ERFE: variants seen among roughly 807,000 people sequenced by gnomAD.
ERFE encodes erythroferrone, also known as complement C1q tumor necrosis factor-related protein 15.
A neutral mutation model predicts 26.6 loss-of-function variants in ERFE; 25 were observed. That is an observed-to-expected ratio of 0.94 (90% CI 0.69 to 1.31). The LOEUF (loss-of-function observed/expected upper bound fraction) is 1.31. ERFE is among the 40% of genes most tolerant of loss of function. The pLI, the probability that ERFE is intolerant of heterozygous loss-of-function variation, is 0.00. For synonymous variants in ERFE, 206 were observed against 204.5 expected (o/e 1.01, Z -0.06); for missense variants, 447 against 440.2 (o/e 1.02, Z -0.14).
chr2:238,163,869 T>C lies in ERFE; in HGVS notation c.557T>C (p.Leu186Pro). The C allele has an allele frequency of 7.6e-7, 1 of 1,317,136 alleles. No individual in the cohort carries two copies. Among genetic ancestry groups the C allele is most frequent in the East Asian group, 3.2e-5 (1 of 31,526 alleles). 81.6% of individuals were successfully genotyped at this position (1,317,136 alleles called of 1,614,324 possible). Residue 186 changes from leucine (L) to proline (P), a missense_variant, in exon 4 of 8, where the codon CTG becomes CCG. Transcript: ENST00000546354. ...GACGACGACGTGGTGGGGGACGTGCTGGCACTGCTGGCCGCGCCCCTGGCC... is the reference window on the plus strand; with the variant it reads ...GACGACGACGTGGTGGGGGACGTGCCGGCACTGCTGGCCGCGCCCCTGGCC... ...EDDDDVVGDVLALLAAPLAPG... is the reference protein window; with the variant it reads ...EDDDDVVGDVPALLAAPLAPG...
intron 2 of ERFE, 57 bp downstream of exon 2, chr2:238,161,773 C>T (rs935017036): frequency 3.0e-4 from 446 of 1,495,340 alleles, no homozygotes; most frequent in Non-Finnish European, 3.7e-4. Flanking sequence ...CCTCGCTCCT[C>T]ATCCACTCCC....
chr2:238,162,520 C>T (rs569628473), intron 2 of ERFE, among the ~76,000 whole-genome samples: 10 of 152,378 alleles, frequency 6.6e-5, no homozygotes, highest in African/African-American at 2.2e-4. Flanking sequence ...GAGCAGAGTC[C>T]TTCCCTGCCA....
intron 1 of ERFE, among the ~76,000 whole-genome samples, chr2:238,160,683 C>G (rs977871194): frequency 6.6e-6 from 1 of 152,172 alleles, no homozygotes; most frequent in Non-Finnish European, 1.5e-5. Flanking sequence ...CTGCATCCCC[C>G]CAGATCAGCC....
At chr2:238,165,570 T>C in intron 6 of ERFE, 36 bp from the exon 7 acceptor site, 1 of 1,520,584 alleles carries the variant, frequency 6.6e-7, no homozygotes, top group East Asian at 2.5e-5. Flanking sequence ...TGGGGTCTCA[T>C]GGGGCAGGCT....
chr2:238,162,672 A>C, intron 2 of ERFE, 64 bp from the exon 3 acceptor site: 1 of 1,063,750 alleles, frequency 9.4e-7, no homozygotes, highest in Non-Finnish European at 1.4e-6. Flanking sequence ...AAGAGCTTGC[A>C]CAGGGGATGC....
In ERFE at chr2:238,164,267, C is replaced by T; in HGVS notation, c.797-3C>T. 6.7e-7 allele frequency: 1 copy of T among 1,503,080 alleles called. No individual in the cohort carries two copies. Among genetic ancestry groups the T allele is most frequent in the Non-Finnish European group, 8.8e-7 (1 of 1,132,912 alleles). 93.1% of individuals were successfully genotyped at this position (1,503,080 alleles called of 1,614,324 possible). A position where few individuals can be genotyped will look rare whatever the true frequency, so the allele number is the denominator to read the frequency against. On this transcript the variant is annotated splice_region_variant and splice_polypyrimidine_tract_variant and intron_variant, in intron 5 of 7. Transcript: ENST00000546354. Reference sequence around the variant, plus strand: ...CTTGACCACGTCCCACCCTCCCCCGCAGCGCTCGGGGAGCCGCCGAGGAGG... The same window carrying T: ...CTTGACCACGTCCCACCCTCCCCCGTAGCGCTCGGGGAGCCGCCGAGGAGG...
Position 238,164,467 on chromosome 2 carries a change from C to T in ERFE, c.887+107C>T, listed in dbSNP as rs1364973913. The T allele has an allele frequency of 1.0e-5, 12 of 1,164,644 alleles. No individual in the cohort carries two copies. The African/African-American group carries it at 1.6e-4, about 15-fold the overall frequency. The allele number at this position is 1,164,644 out of a possible 1,614,324, so 72.1% of individuals were successfully genotyped here. On this transcript the variant is annotated intron_variant, in intron 6 of 7. Coordinates refer to ENST00000546354, the MANE Select transcript of ERFE (RefSeq NM_001291832.2). ...GGGCTTCCGCCCGTTCACACCCCAC[C>T]GTGGCCTAGGTGACCCCACACCTTC...
intron 7 of ERFE, among the ~76,000 whole-genome samples, chr2:238,166,499 A>G (rs1026113904): frequency 1.3e-5 from 2 of 152,212 alleles, no homozygotes; most frequent in African/African-American, 4.8e-5. Context: ...GGGAGTTCCC[A>G]GGGAATGTGA....
intron 3 of ERFE, 57 bp downstream of exon 3, chr2:238,162,895 G>A: frequency 1.4e-6 from 2 of 1,395,898 alleles, no homozygotes; most frequent in Non-Finnish European, 2.0e-6. Context: ...GGCCTGGGAG[G>A]GTGTCCCGAG....
At chr2:238,162,678 G>A in intron 2 of ERFE, 58 bp from the exon 3 acceptor site, 1 of 1,109,702 alleles carries the variant, frequency 9.0e-7, no homozygotes, top group African/African-American at 1.5e-5. Context: ...TTGCACAGGG[G>A]ATGCTGTGGC....
At position 238,167,149 on chromosome 2, in the gene ERFE, G is replaced by A. The variant is rs1693051977; in HGVS notation, c.*95G>A. 5.4e-6 allele frequency: 7 copies of A among 1,294,892 alleles called. No individual in the cohort carries two copies. The highest frequency in any genetic ancestry group is 7.6e-6 in the Non-Finnish European group (7 of 924,416). 80.2% of individuals were successfully genotyped at this position (1,294,892 alleles called of 1,614,324 possible). On this transcript the variant is annotated 3_prime_UTR_variant, in exon 8 of 8. Transcript: ENST00000546354. Reference sequence around the variant, plus strand: ...AGAGTAGCAGTGGCCACATGGAGGAGGAGGCCCACCCGGAACTCTGCCCAC... The same window carrying A: ...AGAGTAGCAGTGGCCACATGGAGGAAGAGGCCCACCCGGAACTCTGCCCAC...
intron 5 of ERFE, 32 bp from the exon 6 acceptor site, chr2:238,164,238 C>A (rs1692993717): frequency 2.1e-6 from 3 of 1,439,252 alleles, no homozygotes; most frequent in Non-Finnish European, 2.7e-6. Context: ...CCGCCGCCCG[C>A]CCGCTTGACC....
intron 1 of ERFE, among the ~76,000 whole-genome samples, chr2:238,160,300 C>T (rs531612946): frequency 1.3e-5 from 2 of 152,322 alleles, no homozygotes; most frequent in South Asian, 2.1e-4. Context: ...TCTCCTGGGA[C>T]GCCACCTTCT....
At chr2:238,163,664 C>T (rs1021942023) in intron 3 of ERFE, 73 bp from the exon 4 acceptor site, 18 of 1,235,296 alleles carry the variant, frequency 1.5e-5, no homozygotes, top group East Asian at 3.3e-5. Context: ...TAGCACCTGT[C>T]GTTCAGGGCT....
At position 238,164,101 on chromosome 2, in the gene ERFE, C is replaced by A. The variant is rs759947194; in HGVS notation, c.714C>A (p.Arg238=). The A allele has an allele frequency of 1.6e-5, 23 of 1,433,068 alleles. No homozygotes were observed. The South Asian group carries it at 2.8e-4, about 17-fold the overall frequency. The allele number at this position is 1,433,068 out of a possible 1,614,324, so 88.8% of individuals were successfully genotyped here. A position where few individuals can be genotyped will look rare whatever the true frequency, so the allele number is the denominator to read the frequency against. ...CCGACGCCGAGGGTGCCTTCCGCCGCGGCCCGGGCCTGAACTTGACCAGCG... is the reference window on the plus strand; with the variant it reads ...CCGACGCCGAGGGTGCCTTCCGCCGAGGCCCGGGCCTGAACTTGACCAGCG... The part of the protein sequence containing the change: ...YLPDAEGAFR[R]GPGLNLTSGQ... Residue 238 remains arginine (R), a synonymous_variant, in exon 5 of 8, where the codon CGC becomes CGA. Transcript: ENST00000546354.
rs772429472 is a variant in ERFE at position 238,167,161 on chromosome 2, G to A, written c.*107G>A. The stretch of plus-strand genomic sequence containing the variant: ...GCCACATGGAGGAGGAGGCCCACCC[G>A]GAACTCTGCCCACACTGGCCACTGC... On this transcript the variant is annotated 3_prime_UTR_variant, in exon 8 of 8. Transcript: ENST00000546354. 6.5e-5 allele frequency: 79 copies of A among 1,207,742 alleles called. No individual in the cohort carries two copies. Among genetic ancestry groups the A allele is most frequent in the African/African-American group, 9.0e-5 (6 of 66,500 alleles). 74.8% of individuals were successfully genotyped at this position (1,207,742 alleles called of 1,614,324 possible).
rs1574771104 is a variant in ERFE, at chr2:238,167,735, A to G, written c.*681A>G. 3.3e-6 allele frequency: 1 copy of G among 305,718 alleles called. No homozygotes were observed. 18.9% of individuals were successfully genotyped at this position (305,718 alleles called of 1,614,324 possible). A position where few individuals can be genotyped will look rare whatever the true frequency, so the allele number is the denominator to read the frequency against. On this transcript the variant is annotated 3_prime_UTR_variant, in exon 8 of 8. Transcript: ENST00000546354. ...AGCTTCTAGTTCTAATGTGTGCAAG[A>G]TTAACTCACAAATTCACCTCAGAAG... is the stretch of plus-strand genomic sequence containing the variant.
At chr2:238,164,026 G>T (rs1389551215) in intron 4 of ERFE, 27 bp downstream of exon 4, 1 of 1,376,112 alleles carries the variant, frequency 7.3e-7, no homozygotes. Flanking sequence ...GGGAGGGCGG[G>T]TGAGTCCGGC....
Position 238,167,307 on chromosome 2 carries a change from G to T in ERFE, c.*253G>T. 1 of 687,170 alleles carries T rather than the reference G, an allele frequency of 1.5e-6. No individual in the cohort carries two copies. The highest frequency in any genetic ancestry group is 2.7e-6 in the Non-Finnish European group (1 of 375,482). 42.6% of individuals were successfully genotyped at this position (687,170 alleles called of 1,614,324 possible). A position where few individuals can be genotyped will look rare whatever the true frequency, so the allele number is the denominator to read the frequency against. On this transcript the variant is annotated 3_prime_UTR_variant, in exon 8 of 8. Coordinates refer to ENST00000546354, the MANE Select transcript of ERFE (RefSeq NM_001291832.2). ...CTCTTATCCAGGAAAGAAAGAGTCG[G>T]CGTGCCTGGGGGCACCTGCTAGTCT...
Sources: gnomAD v4.1 joint callset for allele counts (sites outside exome capture counted in the v4.1 genomes callset) on GRCh38, gnomAD v4.1.1 for gene constraint, MANE v1.5 for transcripts, NCBI Gene and HGNC (gene_info 2026-07-23, HGNC 2026-07-21) for gene names.